TANGO6: variants seen among roughly 807,000 people sequenced by gnomAD.
The protein encoded by TANGO6 is transport and golgi organization 6 homolog.
TANGO6 carries 90 observed loss-of-function variants against 114.2 expected under a neutral mutation model. The observed-to-expected ratio is 0.79, with a 90% CI of 0.66 to 0.94. The LOEUF is 0.94. Ranked by LOEUF, TANGO6 falls within the 40% of genes least tolerant of loss-of-function variation. TANGO6 has a pLI of 0.00. For synonymous variants in TANGO6, 477 were observed against 509.8 expected, an observed-to-expected ratio of 0.94 and a Z score of 0.87; for missense variants, 1,274 against 1,315.3, an observed-to-expected ratio of 0.97 and a Z score of 0.49.
intron 12 of TANGO6, among the ~76,000 whole-genome samples, chr16:68,921,189 C>G (rs1367909534): frequency 7.8e-6 from 1 of 128,316 alleles, no homozygotes. Context: ...TTTTTCTTTT[C>G]TTTTTTTTTT....
intron 14 of TANGO6, among the ~76,000 whole-genome samples, chr16:68,947,585 C>G (rs1963428263): frequency 6.9e-6 from 1 of 145,550 alleles, no homozygotes; most frequent in Admixed American, 6.8e-5. Context: ...TATAACCCAT[C>G]TCTTTTTTTT....
chr16:69,048,769 G>T (rs951945040), intron 17 of TANGO6, among the ~76,000 whole-genome samples: 6 of 152,180 alleles, frequency 3.9e-5, no homozygotes, highest in African/African-American at 1.2e-4. Context: ...ATGATGCTCT[G>T]CTTTTTTAAT....
chr16:69,027,813 C>A (rs1244674870), intron 16 of TANGO6, among the ~76,000 whole-genome samples: 2 of 149,556 alleles, frequency 1.3e-5, no homozygotes, highest in Non-Finnish European at 3.0e-5. Context: ...CGAATTCTTG[C>A]TCTGTCGCCC....
chr16:69,066,589 G>A lies in TANGO6; in HGVS notation c.3109-16896G>A, dbSNP rs181810325. On this transcript the variant is annotated intron_variant, in intron 17 of 17. Transcript: ENST00000261778. ...TGGGATTACAGGCATAAGCCACCGC[G>A]CCCGGACTTCCCCTCCTATTCTTAT... 3.3e-3 allele frequency among the ~76,000 whole-genome samples: 505 copies of A among 152,222 alleles called. 2 individuals carry two copies. Among genetic ancestry groups the A allele is most frequent in the Non-Finnish European group, 5.5e-3 (372 of 68,022 alleles).
At chr16:69,054,961 A>C (rs937577221) in intron 17 of TANGO6, among the ~76,000 whole-genome samples, 3 of 151,642 alleles carry the variant, frequency 2.0e-5, no homozygotes, top group Admixed American at 1.3e-4. Flanking sequence ...AAAAAAAAAA[A>C]AAACTTCTGT....
rs1449233667 is a variant in TANGO6, at chr16:69,044,875, G to C, written c.3108+4454G>C. 2.6e-5 allele frequency among the ~76,000 whole-genome samples: 4 copies of C among 152,132 alleles called. No homozygotes were observed. In the East Asian group the frequency reaches 7.7e-4, roughly 29 times the overall value. The stretch of plus-strand genomic sequence containing the variant: ...TGAAAAAGAAAAAAAATTTTAAAAG[G>C]CTGGGCGCAGTGCCTCATGCCTATA... On this transcript the variant is annotated intron_variant, in intron 17 of 17. Coordinates refer to ENST00000261778, the MANE Select transcript of TANGO6 (RefSeq NM_024562.2).
intron 17 of TANGO6, among the ~76,000 whole-genome samples, chr16:69,076,610 G>A (rs1001186786): frequency 6.6e-6 from 1 of 152,118 alleles, no homozygotes; most frequent in African/African-American, 2.4e-5. Context: ...TTCTGTGTTC[G>A]AAGCAACGCA....
chr16:69,073,190 T>C (rs1375337001), intron 17 of TANGO6, among the ~76,000 whole-genome samples: 7 of 152,180 alleles, frequency 4.6e-5, no homozygotes, highest in African/African-American at 4.8e-5. Context: ...TGGTTTTGCT[T>C]GGAAACTGCC....
chr16:68,898,532 G>T (rs1169669055), intron 7 of TANGO6, among the ~76,000 whole-genome samples: 2 of 151,904 alleles, frequency 1.3e-5, no homozygotes, highest in Non-Finnish European at 2.9e-5. Context: ...TAGTGATGGG[G>T]TCTCACCATG....
chr16:68,912,246 T>C (rs975194372), intron 11 of TANGO6, among the ~76,000 whole-genome samples: 1 of 151,994 alleles, frequency 6.6e-6, no homozygotes, highest in Non-Finnish European at 1.5e-5. Flanking sequence ...GCCTGTAATC[T>C]TAGCACTTTG....
intron 4 of TANGO6, among the ~76,000 whole-genome samples, chr16:68,873,026 G>C (rs1225213105): frequency 6.6e-6 from 1 of 151,010 alleles, no homozygotes; most frequent in Non-Finnish European, 1.5e-5. Context: ...TTTTTTTAAA[G>C]AGTACAGTTT....
rs397855895 is a variant in TANGO6, at chr16:68,988,692, C to CTTTTT, written c.2842+14541_2842+14545dup. Among the ~76,000 whole-genome samples the CTTTTT allele has an allele frequency of 1.7e-3, 186 of 112,404 alleles. 4 individuals carry two copies. Among genetic ancestry groups the CTTTTT allele is most frequent in the African/African-American group, 5.0e-3 (141 of 28,124 alleles). The allele number at this position is 112,404 out of a possible 152,430, so 73.7% of individuals were successfully genotyped here. On this transcript the variant is annotated intron_variant, in intron 15 of 17. Coordinates refer to ENST00000261778, the MANE Select transcript of TANGO6 (RefSeq NM_024562.2). ...TAGTTAGAGTTTAAGTTCTCTCTCT[C>CTTTTT]TTTTTTTTTTTTTTTTTTTTTGAGA...
chr16:69,002,966 C>T (rs1428061017), intron 15 of TANGO6, among the ~76,000 whole-genome samples: 1 of 151,738 alleles, frequency 6.6e-6, no homozygotes, highest in African/African-American at 2.4e-5. Context: ...CACTTGAACC[C>T]GGGAGGTAGA....
At chr16:69,012,556 C>CAAAAAAAAAAAAAAAAAAAAAAGAAAA (rs1964152144) in intron 15 of TANGO6, among the ~76,000 whole-genome samples, 2 of 36,512 alleles carry the variant, frequency 5.5e-5, no homozygotes, top group East Asian at 1.2e-3. Context: ...AACTCTGTCT[C>CAAAAAAAAAAAAAAAAAAAAAAGAAAA]AAAAAAAAAA....
chr16:68,916,911 A>C (rs1963013804), intron 11 of TANGO6, among the ~76,000 whole-genome samples: 1 of 152,110 alleles, frequency 6.6e-6, no homozygotes, highest in Non-Finnish European at 1.5e-5. Flanking sequence ...ACATTGACAC[A>C]TCACCACCCA....
intron 14 of TANGO6, among the ~76,000 whole-genome samples, chr16:68,945,512 C>T (rs1008759072): frequency 6.6e-6 from 1 of 152,068 alleles, no homozygotes; most frequent in African/African-American, 2.4e-5. Context: ...GTGGGTATGA[C>T]AAAAATGACC....
intron 7 of TANGO6, among the ~76,000 whole-genome samples, chr16:68,883,742 C>G (rs1962496725): frequency 6.6e-6 from 1 of 152,078 alleles, no homozygotes; most frequent in African/African-American, 2.4e-5. Flanking sequence ...GGACTGTTGT[C>G]CAAAGTGACC....
intron 11 of TANGO6, chr16:68,909,659 T>C (rs917794885): frequency 1.5e-5 from 4 of 274,744 alleles, no homozygotes; most frequent in Non-Finnish European, 2.0e-5. Flanking sequence ...TGTTTATATA[T>C]TATGTTATAG....
chr16:68,850,567 T>C (rs962905853), intron 1 of TANGO6, among the ~76,000 whole-genome samples: 13 of 152,214 alleles, frequency 8.5e-5, no homozygotes, highest in Admixed American at 3.3e-4. Context: ...TCAAGTCTCT[T>C]AAAATAATTT....
Sources: allele counts gnomAD v4.1 joint callset (sites outside exome capture counted in the v4.1 genomes callset), GRCh38; gene constraint gnomAD v4.1.1; transcripts MANE v1.5; gene names NCBI Gene and HGNC (gene_info 2026-07-23, HGNC 2026-07-21).